Variants in STRIP1 observed in about 807,000 individuals in gnomAD.
STRIP1 encodes striatin interacting protein 1.
A neutral mutation model predicts 106.2 loss-of-function variants in STRIP1; 63 were observed. That is an observed-to-expected ratio of 0.59 (90% CI 0.48 to 0.73). The LOEUF (loss-of-function observed/expected upper bound fraction) is 0.73. Among genes scored for constraint, STRIP1 ranks in the 30% least tolerant of loss-of-function variants. The pLI, the probability that STRIP1 is intolerant of heterozygous loss-of-function variation, is 0.00. For missense variants in STRIP1, 857 were observed against 1,074.8 expected, an observed-to-expected ratio of 0.80 and a Z score of 2.83; for synonymous variants, 390 against 413.0, an observed-to-expected ratio of 0.94 and a Z score of 0.67.
At position 110,039,516 on chromosome 1, in the gene STRIP1, G is replaced by A. The variant is rs1652656173; in HGVS notation, c.581+1G>A. 1.3e-6 allele frequency: 2 copies of A among 1,598,402 alleles called. No homozygotes were observed. Among genetic ancestry groups the A allele is most frequent in the Non-Finnish European group, 8.5e-7 (1 of 1,172,426 alleles). ...TGGAGCTTCTGAACATGGAAATAGA[G>A]TGAGCATTTTTGAGAGGCTGAGTAG... On this transcript the variant is annotated splice_donor_variant, in intron 5 of 20. Transcript: ENST00000369795. LOFTEE classifies it high-confidence loss of function.
At chr1:110,043,356 C>T (rs1652866612) in intron 9 of STRIP1, 86 bp downstream of exon 9, 2 of 1,365,960 alleles carry the variant, frequency 1.5e-6, no homozygotes, top group East Asian at 2.3e-5. Flanking sequence ...AGCAGGGCTG[C>T]TGGAAATGAT....
intron 10 of STRIP1, 48 bp downstream of exon 10, chr1:110,043,904 T>C: frequency 6.5e-7 from 1 of 1,547,758 alleles, no homozygotes; most frequent in Non-Finnish European, 8.9e-7. Context: ...GGCAGAGCCC[T>C]CACACCCTCA....
intron 12 of STRIP1, 175 bp downstream of exon 12, chr1:110,045,253 A>T: frequency 3.3e-6 from 2 of 606,290 alleles, no homozygotes; most frequent in Non-Finnish European, 2.9e-6. Context: ...TGCTTGTTTT[A>T]TTATAAGTTT....
At chr1:110,052,277 G>A (rs536726912) in intron 20 of STRIP1, among the ~76,000 whole-genome samples, 1 of 152,068 alleles carries the variant, frequency 6.6e-6, no homozygotes, top group South Asian at 2.1e-4. Flanking sequence ...TTTTTACTTT[G>A]ATGTTTTTTA....
intron 1 of STRIP1, among the ~76,000 whole-genome samples, chr1:110,037,278 C>T (rs999237869): frequency 5.3e-5 from 8 of 152,216 alleles, no homozygotes; most frequent in African/African-American, 1.9e-4. Context: ...CAGTAATCAC[C>T]TATTTCCAGC....
chr1:110,031,690 T>C (rs1308880698), upstream of STRIP1: 1 of 151,956 alleles, frequency 6.6e-6, no homozygotes, highest in Non-Finnish European at 1.5e-5. Context: ...AAAAGAGAAG[T>C]GCATGAAGAC....
chr1:110,044,737 G>A lies in STRIP1; in HGVS notation c.1287-103G>A, dbSNP rs1182009127. The A allele has an allele frequency of 5.4e-6, 6 of 1,102,320 alleles. No homozygotes were observed. In the East Asian group the frequency reaches 1.5e-4, roughly 28 times the overall value. The allele number at this position is 1,102,320 out of a possible 1,614,324, so 68.3% of individuals were successfully genotyped here. A position where few individuals can be genotyped will look rare whatever the true frequency, so the allele number is the denominator to read the frequency against. On this transcript the variant is annotated intron_variant, in intron 10 of 20. Transcript: ENST00000369795. Reference sequence around the variant, plus strand: ...AAAACAATTATAGGAGACTTCTCCTGGCTTCACAGTTTCTGGATGCTGTGT... The same window carrying A: ...AAAACAATTATAGGAGACTTCTCCTAGCTTCACAGTTTCTGGATGCTGTGT...
chr1:110,039,566 G>A, intron 5 of STRIP1, 51 bp downstream of exon 5: 1 of 1,560,572 alleles, frequency 6.4e-7, no homozygotes, highest in East Asian at 2.3e-5. Flanking sequence ...GGATGGGAAG[G>A]GGGACAGAGC....
At chr1:110,033,322 G>A (rs1652280121), upstream of STRIP1, among the ~76,000 whole-genome samples, 1 of 149,952 alleles carries the variant, frequency 6.7e-6, no homozygotes, top group South Asian at 2.1e-4. Flanking sequence ...TCAGGCTCCT[G>A]TGAGTCCTCT....
intron 17 of STRIP1, 36 bp downstream of exon 17, chr1:110,049,596 G>T: frequency 6.8e-7 from 1 of 1,465,888 alleles, no homozygotes; most frequent in South Asian, 1.2e-5. Context: ...GGGTGGATAT[G>T]GTCAGACGGC....
chr1:110,040,435 GCCTC>G (rs1652702410), intron 5 of STRIP1, among the ~76,000 whole-genome samples, 196 bp from the exon 6 acceptor site: 1 of 152,222 alleles, frequency 6.6e-6, no homozygotes, highest in African/African-American at 2.4e-5. Flanking sequence ...ACCCGCCTCG[GCCTC>G]CCGAAGTACT....
intron 10 of STRIP1, 79 bp from the exon 11 acceptor site, chr1:110,044,761 G>GT: frequency 3.6e-6 from 5 of 1,407,792 alleles, no homozygotes; most frequent in Non-Finnish European, 5.0e-6. Context: ...TGGATGCTGT[G>GT]TTTTTGTTAA....
At chr1:110,037,771 T>C in intron 1 of STRIP1, 120 bp from the exon 2 acceptor site, 1 of 675,044 alleles carries the variant, frequency 1.5e-6, no homozygotes, top group Non-Finnish European at 2.6e-6. Context: ...AAACAAAATG[T>C]GAAAAAACAT....
chr1:110,047,694 A>G, intron 14 of STRIP1, 78 bp downstream of exon 14: 1 of 1,534,372 alleles, frequency 6.5e-7, no homozygotes, highest in Admixed American at 1.9e-5. Context: ...CCACCTGCAG[A>G]CCAACAGGAG....
intron 12 of STRIP1, among the ~76,000 whole-genome samples, chr1:110,045,868 A>C (rs1321335053): frequency 6.6e-6 from 1 of 152,176 alleles, no homozygotes; most frequent in Non-Finnish European, 1.5e-5. Context: ...CGATCAGAGA[A>C]GGGAGGAGTG....
chr1:110,040,255 C>G (rs1652693066), intron 5 of STRIP1, among the ~76,000 whole-genome samples: 1 of 152,150 alleles, frequency 6.6e-6, no homozygotes, highest in South Asian at 2.1e-4. Flanking sequence ...GAACTTGGCT[C>G]ATTGCAACCT....
At chr1:110,040,558 C>T (rs983510157) in intron 5 of STRIP1, 77 bp from the exon 6 acceptor site, 12 of 1,384,780 alleles carry the variant, frequency 8.7e-6, no homozygotes, top group Non-Finnish European at 1.2e-5. Context: ...TTTGTTTCCC[C>T]ATTGGTCAGT....
intron 2 of STRIP1, 148 bp downstream of exon 2, chr1:110,038,108 A>ATATG (rs1412004570): frequency 6.0e-6 from 1 of 165,662 alleles, no homozygotes; most frequent in African/African-American, 2.7e-5. Context: ...ATATATATAT[A>ATATG]TATATGTATA....
upstream of STRIP1, among the ~76,000 whole-genome samples, chr1:110,032,438 C>T (rs186767901): frequency 6.6e-5 from 10 of 152,260 alleles, no homozygotes; most frequent in East Asian, 1.9e-3. Flanking sequence ...ATATGTAAAG[C>T]TGGAGAGACA....
Sources: allele counts gnomAD v4.1 joint callset (sites outside exome capture counted in the v4.1 genomes callset), GRCh38; gene constraint gnomAD v4.1.1; transcripts MANE v1.5; gene names NCBI Gene and HGNC (gene_info 2026-07-23, HGNC 2026-07-21).